The following F8 variants were observed in gnomAD, a reference collection of about 807,000 sequenced individuals.
F8 encodes antihemophilic factor.
Under a neutral mutation model 140.6 loss-of-function variants are expected in F8, and 12 were observed. The ratio of observed to expected loss-of-function variants is 0.09; its 90% CI spans 0.05 to 0.14. The LOEUF is 0.14. F8 is among the 10% of genes least tolerant of loss of function. F8 has a pLI of 1.00. For synonymous variants in F8, 585 were observed against 614.6 expected (o/e 0.95, Z 0.71); for missense variants, 1,354 against 1,720.7 (o/e 0.79, Z 3.77).
intron 14 of F8, among the ~76,000 whole-genome samples, chrX:154,922,393 T>G (rs1188364184): frequency 2.7e-5 from 3 of 112,490 alleles, no homozygotes; most frequent in Non-Finnish European, 3.8e-5. Context: ...CAACATACAT[T>G]TATTTGAACA....
At chrX:154,977,802 TTGG>T (rs1419656369) in intron 6 of F8, among the ~76,000 whole-genome samples, 1 of 110,837 alleles carries the variant, frequency 9.0e-6, no homozygotes, top group African/African-American at 3.3e-5. Flanking sequence ...TCTAAATCTC[TTGG>T]TAGACTTGGA....
At chrX:154,859,333 C>T (rs1230935000) in intron 25 of F8, among the ~76,000 whole-genome samples, 1 of 101,807 alleles carries the variant, frequency 9.8e-6, no homozygotes, top group Non-Finnish European at 2.0e-5. Context: ...GATGGAGTCT[C>T]ACTCTGTTGC....
intron 22 of F8, among the ~76,000 whole-genome samples, chrX:154,893,141 G>A (rs909082787): frequency 2.7e-5 from 3 of 111,558 alleles, no homozygotes; most frequent in East Asian, 2.8e-4. Context: ...ATCTACCTAC[G>A]ACCTGGAAGC....
chrX:154,886,398 GGGC>G, intron 22 of F8: 2 of 159,162 alleles, frequency 1.3e-5, no homozygotes, highest in Non-Finnish European at 1.5e-5. Context: ...CTGCAGGCCT[GGGC>G]GGCGGCGGCG....
chrX:154,999,732 A>G, intron 1 of F8, 132 bp from the exon 2 acceptor site: 2 of 757,330 alleles, frequency 2.6e-6, no homozygotes, highest in Non-Finnish European at 3.9e-6. Context: ...AATCCCTAAC[A>G]TCCATTAAAC....
intron 12 of F8, among the ~76,000 whole-genome samples, chrX:154,948,172 C>T (rs113283838): frequency 1.7e-4 from 19 of 111,065 alleles, no homozygotes; most frequent in African/African-American, 5.2e-4. Flanking sequence ...AAGATGTTTG[C>T]ATGGTCTTAA....
intron 14 of F8, among the ~76,000 whole-genome samples, chrX:154,914,829 C>T (rs2124018591): frequency 8.9e-6 from 1 of 111,807 alleles, no homozygotes; most frequent in South Asian, 3.8e-4. Flanking sequence ...TCTGAGCCCT[C>T]CAAACTGTTC....
At chrX:154,852,702 T>G (rs191538774) in intron 25 of F8, among the ~76,000 whole-genome samples, 4 of 109,362 alleles carry the variant, frequency 3.7e-5, no homozygotes, top group Non-Finnish European at 7.6e-5. Flanking sequence ...TGAAATTCCA[T>G]CTGAATTTTA....
intron 19 of F8, among the ~76,000 whole-genome samples, chrX:154,901,717 C>T (rs1345726098): frequency 8.9e-6 from 1 of 111,763 alleles, no homozygotes; most frequent in Non-Finnish European, 1.9e-5. Context: ...CAAACTCTTC[C>T]AAGTAGTATT....
chrX:154,940,506 G>A (rs1374820717), intron 13 of F8, among the ~76,000 whole-genome samples: 3 of 112,106 alleles, frequency 2.7e-5, no homozygotes, highest in Admixed American at 9.4e-5. Context: ...CAAGAAATAC[G>A]GGACTATGTG....
At chrX:154,919,810 A>G in intron 14 of F8, 1 of 287,067 alleles carries the variant, frequency 3.5e-6, no homozygotes, top group Non-Finnish European at 6.3e-6. Context: ...GTAGTATCTC[A>G]TCAAGGAGTG....
At chrX:155,007,717 T>C (rs1382234972) in intron 1 of F8, among the ~76,000 whole-genome samples, 2 of 112,413 alleles carry the variant, frequency 1.8e-5, no homozygotes, top group African/African-American at 6.5e-5. Flanking sequence ...GGTTTTGTGC[T>C]CCTTATGAGA....
At chrX:154,940,160 A>C (rs1387643094) in intron 13 of F8, among the ~76,000 whole-genome samples, 2 of 112,325 alleles carry the variant, frequency 1.8e-5, no homozygotes, top group Non-Finnish European at 3.8e-5. Flanking sequence ...ACAAAGCTGG[A>C]TGGAGAATGA....
intron 25 of F8, among the ~76,000 whole-genome samples, chrX:154,858,800 C>T (rs782424112): frequency 2.1e-4 from 24 of 112,430 alleles, no homozygotes; most frequent in Non-Finnish European, 3.0e-4. Flanking sequence ...TTTGTCTCTA[C>T]TTAGAGATAA....
chrX:154,864,361 A>C (rs2072716480), intron 22 of F8, among the ~76,000 whole-genome samples: 1 of 112,616 alleles, frequency 8.9e-6, no homozygotes, highest in Non-Finnish European at 1.9e-5. Flanking sequence ...TTCAGACCAG[A>C]AGAGGTGTCA....
At chrX:154,841,608 A>G (rs2072522515) in intron 25 of F8, among the ~76,000 whole-genome samples, 1 of 111,495 alleles carries the variant, frequency 9.0e-6, no homozygotes. Context: ...TGGATTTTCT[A>G]TCTATGCCAT....
intron 25 of F8, among the ~76,000 whole-genome samples, chrX:154,851,355 G>A (rs1243682407): frequency 8.9e-6 from 1 of 111,983 alleles, no homozygotes; most frequent in Admixed American, 9.5e-5. Flanking sequence ...ATATGCATTT[G>A]TATATTAGTT....
chrX:154,928,721 T>C lies in F8; in HGVS notation c.5069A>G (p.Glu1690Gly), dbSNP rs782655522. Residue 1690 changes from glutamate to glycine, a missense_variant, in exon 14 of 26, where the codon GAA becomes GGA. By Grantham distance (98) the Glu-to-Gly change is moderately conservative. Transcript: ENST00000360256. ...AATGTCAAAATCTTCCTTCTTCATT[T>C]CAACTGATATGGTATCATCATAGTC... ...EIDYDDTISV[E>G]MKKEDFDIYD... is the part of the protein sequence containing the mutation. 2.1e-5 allele frequency: 26 copies of C among 1,210,635 alleles called. No individual in the cohort carries two copies. In the East Asian group the frequency reaches 7.4e-4, roughly 34 times the overall value.
chrX:154,916,259 T>C (rs2073097044), intron 14 of F8, among the ~76,000 whole-genome samples: 1 of 112,153 alleles, frequency 8.9e-6, no homozygotes, highest in South Asian at 3.6e-4. Flanking sequence ...AGTTGGCCTG[T>C]AGTTTTCTTT....
Sources: gnomAD v4.1 joint callset for allele counts (sites outside exome capture counted in the v4.1 genomes callset) on GRCh38, gnomAD v4.1.1 for gene constraint, MANE v1.5 for transcripts, NCBI Gene and HGNC (gene_info 2026-07-23, HGNC 2026-07-21) for gene names.